Variants in NEGR1 observed in about 807,000 individuals in gnomAD.
NEGR1 encodes IgLON family member 4.
NEGR1 carries 10 observed loss-of-function variants against 40.9 expected under a neutral mutation model. That is an observed-to-expected ratio of 0.24 (90% CI 0.15 to 0.42). NEGR1 has a LOEUF of 0.42. Among genes scored for constraint, NEGR1 ranks in the 10% least tolerant of loss-of-function variants. The pLI is 1.00. For synonymous variants in NEGR1, 185 were observed against 166.8 expected (o/e 1.11, Z -0.84); for missense variants, 352 against 438.9 (o/e 0.80, Z 1.77).
At chr1:71,835,691 C>T (rs1570412105) in intron 2 of NEGR1, among the ~76,000 whole-genome samples, 1 of 151,980 alleles carries the variant, frequency 6.6e-6, no homozygotes, top group East Asian at 1.9e-4. Flanking sequence ...CTTTCAGTTC[C>T]CTATTGCAAC....
chr1:72,153,578 T>C (rs1451299172), intron 1 of NEGR1, among the ~76,000 whole-genome samples: 1 of 151,834 alleles, frequency 6.6e-6, no homozygotes, highest in Non-Finnish European at 1.5e-5. Context: ...AGATAAGTGG[T>C]GGTGATGATA....
intron 6 of NEGR1, among the ~76,000 whole-genome samples, chr1:71,564,568 T>G (rs1648558915): frequency 6.6e-6 from 1 of 152,250 alleles, no homozygotes; most frequent in South Asian, 2.1e-4. Flanking sequence ...ATCTTCTCTC[T>G]TAGTGTTGAT....
At chr1:72,000,095 A>G (rs1646544656) in intron 1 of NEGR1, among the ~76,000 whole-genome samples, 1 of 152,022 alleles carries the variant, frequency 6.6e-6, no homozygotes, top group East Asian at 1.9e-4. Flanking sequence ...TTCAAATCCT[A>G]TACTTTTAAA....
At chr1:71,559,595 G>T (rs1408950928) in intron 6 of NEGR1, among the ~76,000 whole-genome samples, 2 of 151,508 alleles carry the variant, frequency 1.3e-5, no homozygotes, top group Admixed American at 6.6e-5. Context: ...CTGCGACATA[G>T]TTCTTTCACC....
At chr1:72,246,347 T>C (rs1210555062) in intron 1 of NEGR1, among the ~76,000 whole-genome samples, 1 of 152,194 alleles carries the variant, frequency 6.6e-6, no homozygotes, top group African/African-American at 2.4e-5. Flanking sequence ...TTTCAATCCT[T>C]ACCTCCTGAT....
chr1:72,184,798 C>A (rs1480182048), intron 1 of NEGR1, among the ~76,000 whole-genome samples: 1 of 151,896 alleles, frequency 6.6e-6, no homozygotes, highest in Non-Finnish European at 1.5e-5. Context: ...TCAATCCTGG[C>A]AATTATTTAC....
chr1:71,896,968 T>C (rs1211471735), intron 2 of NEGR1, among the ~76,000 whole-genome samples: 1 of 152,106 alleles, frequency 6.6e-6, no homozygotes, highest in African/African-American at 2.4e-5. Flanking sequence ...GACAATGTAA[T>C]AAGCTGGGAT....
intron 2 of NEGR1, among the ~76,000 whole-genome samples, chr1:71,907,455 G>A (rs1661308113): frequency 6.6e-6 from 1 of 152,052 alleles, no homozygotes; most frequent in Non-Finnish European, 1.5e-5. Flanking sequence ...AAACCACAAC[G>A]AAATACTGTC....
rs1570160988 is a variant in NEGR1, at chr1:71,657,499, A to G, written c.667+40509T>C. On this transcript the variant is annotated intron_variant, in intron 4 of 6. Coordinates refer to ENST00000357731, the MANE Select transcript of NEGR1 (RefSeq NM_173808.3). ...TTGGTTACTATATTTAGAAAGAAAC[A>G]TTTAGTTTTTTTCTCATTAGAAATA... Among the ~76,000 whole-genome samples, 5 of 152,362 alleles carry G rather than the reference A, an allele frequency of 3.3e-5. No homozygotes were observed. The South Asian group carries it at 1.0e-3, about 32-fold the overall frequency.
chr1:72,199,614 T>C lies in NEGR1; in HGVS notation c.176+82705A>G, dbSNP rs78734249. Among the ~76,000 whole-genome samples, 24 of 152,102 alleles carry C rather than the reference T, an allele frequency of 1.6e-4. No individual in the cohort carries two copies. The East Asian group carries it at 2.3e-3, about 15-fold the overall frequency. ...CTCTTTTTGTGCATCCATGAAATCA[T>C]AGAAGTGGATTACATAATCTATAAA... is the stretch of plus-strand genomic sequence containing the variant. On this transcript the variant is annotated intron_variant, in intron 1 of 6. Coordinates refer to ENST00000357731, the MANE Select transcript of NEGR1 (RefSeq NM_173808.3).
intron 1 of NEGR1, among the ~76,000 whole-genome samples, chr1:72,135,926 G>C (rs974681007): frequency 6.6e-6 from 1 of 152,208 alleles, no homozygotes; most frequent in Admixed American, 6.6e-5. Flanking sequence ...ATTTGCCTTA[G>C]TGTTGGAGAA....
intron 6 of NEGR1, among the ~76,000 whole-genome samples, chr1:71,491,524 G>A (rs1394113239): frequency 1.3e-5 from 2 of 151,690 alleles, no homozygotes; most frequent in African/African-American, 4.8e-5. Flanking sequence ...TGATGGAGGG[G>A]GAGGCAAGAA....
chr1:71,881,718 A>T (rs1660589221), intron 2 of NEGR1, among the ~76,000 whole-genome samples: 2 of 152,084 alleles, frequency 1.3e-5, no homozygotes, highest in Non-Finnish European at 2.9e-5. Flanking sequence ...GTATCACATG[A>T]CTTTCCCCTA....
chr1:71,584,891 A>T (rs2101509938), intron 6 of NEGR1, among the ~76,000 whole-genome samples: 1 of 152,250 alleles, frequency 6.6e-6, no homozygotes, highest in Non-Finnish European at 1.5e-5. Flanking sequence ...TTTTGGCCTA[A>T]TTAGTTATAG....
chr1:71,559,643 A>G (rs1648376426), intron 6 of NEGR1, among the ~76,000 whole-genome samples: 1 of 151,632 alleles, frequency 6.6e-6, no homozygotes, highest in Non-Finnish European at 1.5e-5. Flanking sequence ...AAGAAAAACA[A>G]ATTAAAATAA....
chr1:71,560,969 T>C (rs1557567296), intron 6 of NEGR1, among the ~76,000 whole-genome samples: 1 of 151,670 alleles, frequency 6.6e-6, no homozygotes, highest in African/African-American at 2.4e-5. Flanking sequence ...CTTATGAATT[T>C]GGACAAGTTA....
At chr1:71,419,091 G>A (rs1360227080) in intron 6 of NEGR1, among the ~76,000 whole-genome samples, 1 of 152,098 alleles carries the variant, frequency 6.6e-6, no homozygotes, top group Non-Finnish European at 1.5e-5. Flanking sequence ...GTCCAGTTAT[G>A]CACAGCTAGT....
chr1:72,082,905 A>AT (rs1371870786), intron 1 of NEGR1, among the ~76,000 whole-genome samples: 1 of 152,182 alleles, frequency 6.6e-6, no homozygotes, highest in Non-Finnish European at 1.5e-5. Flanking sequence ...CAATCTAAAA[A>AT]TTAAAATGTA....
At chr1:71,764,570 AAGGC>A (rs1656056175) in intron 3 of NEGR1, among the ~76,000 whole-genome samples, 1 of 152,208 alleles carries the variant, frequency 6.6e-6, no homozygotes, top group African/African-American at 2.4e-5. Flanking sequence ...CAACATCAAC[AAGGC>A]ATTTGGCCCA....
Sources: gnomAD v4.1 joint callset for allele counts (sites outside exome capture counted in the v4.1 genomes callset) on GRCh38, gnomAD v4.1.1 for gene constraint, MANE v1.5 for transcripts, NCBI Gene and HGNC (gene_info 2026-07-23, HGNC 2026-07-21) for gene names.